CBLB: variants seen among roughly 807,000 people sequenced by gnomAD.
CBLB encodes the protein E3 ubiquitin-protein ligase CBL-B.
CBLB carries 31 observed loss-of-function variants against 104.9 expected under a neutral mutation model. The observed-to-expected ratio is 0.30, with a 90% confidence interval of 0.22 to 0.40. The LOEUF is 0.40. Ranked by LOEUF, CBLB falls within the 10% of genes least tolerant of loss-of-function variation. CBLB has a pLI of 1.00. For missense variants in CBLB, 1,062 were observed against 1,214.6 expected, an observed-to-expected ratio of 0.87 and a Z score of 1.87; for synonymous variants, 440 against 422.6, an observed-to-expected ratio of 1.04 and a Z score of -0.51.
chr3:105,720,244 C>A lies in CBLB; in HGVS notation c.1210G>T (p.Asp404Tyr), dbSNP rs754549862. ...TSCLTAWQES[D>Y]GQGCPFCRCE... ...CGACAGAAAGGGCAGCCCTGACCAT[C>A]CGACTCCTAAACAAATAGAAAATGC... Residue 404 changes from aspartate to tyrosine, a missense_variant, in exon 10 of 19, where the codon GAT becomes TAT. By Grantham distance (160) the Asp-to-Tyr change is radical. Around this residue, in one of 2 missense-constraint regions of CBLB, gnomAD observed 457 missense variants for 632.0 expected, o/e 0.72. Coordinates refer to ENST00000394030, the MANE Select transcript of CBLB (RefSeq NM_170662.5). The A allele has an allele frequency of 1.9e-6, 3 of 1,612,066 alleles. No homozygotes were observed. Among genetic ancestry groups the A allele is most frequent in the Non-Finnish European group, 2.5e-6 (3 of 1,179,128 alleles).
At chr3:105,820,417 T>C (rs1215968115) in intron 3 of CBLB, among the ~76,000 whole-genome samples, 1 of 152,092 alleles carries the variant, frequency 6.6e-6, no homozygotes, top group African/African-American at 2.4e-5. Flanking sequence ...CAGAAAGAAT[T>C]TAAAATAGTA....
chr3:105,678,557 C>T lies in CBLB; in HGVS notation c.2443G>A (p.Asp815Asn), dbSNP rs2065923732. Residue 815 changes from aspartate (D) to asparagine (N), a missense_variant, in exon 17 of 19, where the codon GAT becomes AAT. Transcript: ENST00000394030. ...LIPPLGEDAFDALPPSLPPPP... is the reference protein window; with the variant it reads ...LIPPLGEDAFNALPPSLPPPP... The stretch of plus-strand genomic sequence containing the variant: ...GGTGGGAGAGATGGAGGGAGGGCAT[C>T]AAAAGCATCTTCACCTGCATTTAAA... The T allele has an allele frequency of 6.2e-7, 1 of 1,612,762 alleles. No homozygotes were observed. Among genetic ancestry groups the T allele is most frequent in the Non-Finnish European group, 8.5e-7 (1 of 1,179,242 alleles).
chr3:105,715,293 G>A (rs2071692388), intron 10 of CBLB, among the ~76,000 whole-genome samples: 1 of 152,120 alleles, frequency 6.6e-6, no homozygotes, highest in South Asian at 2.1e-4. Flanking sequence ...ATACAGACTT[G>A]GGCAAAATCT....
intron 4 of CBLB, among the ~76,000 whole-genome samples, chr3:105,768,298 T>C (rs964897368): frequency 6.6e-6 from 1 of 152,136 alleles, no homozygotes; most frequent in Non-Finnish European, 1.5e-5. Context: ...GTAAGAATTG[T>C]TATGCCAGAG....
At chr3:105,746,140 T>C in intron 5 of CBLB, 102 bp from the exon 6 acceptor site, 1 of 828,602 alleles carries the variant, frequency 1.2e-6, no homozygotes. Flanking sequence ...ATCTTGGATA[T>C]TTTAAAAGTT....
At chr3:105,855,582 T>C (rs1229260336) in intron 2 of CBLB, among the ~76,000 whole-genome samples, 2 of 152,214 alleles carry the variant, frequency 1.3e-5, no homozygotes, top group Admixed American at 6.5e-5. Flanking sequence ...TAGAAATACC[T>C]GAGGTGCCCA....
intron 3 of CBLB, among the ~76,000 whole-genome samples, chr3:105,821,345 A>G (rs1577505953): frequency 6.6e-6 from 1 of 152,098 alleles, no homozygotes; most frequent in Non-Finnish European, 1.5e-5. Flanking sequence ...AAATCTTTCA[A>G]TGCCGAACAG....
intron 9 of CBLB, among the ~76,000 whole-genome samples, chr3:105,730,913 A>C (rs1409766228): frequency 6.6e-6 from 1 of 152,188 alleles, no homozygotes; most frequent in East Asian, 1.9e-4. Flanking sequence ...AGCTAAACAC[A>C]ATTTTCAGAG....
intron 3 of CBLB, among the ~76,000 whole-genome samples, chr3:105,803,548 G>A (rs899327723): frequency 6.6e-6 from 1 of 152,128 alleles, no homozygotes; most frequent in Admixed American, 6.5e-5. Context: ...TTCTCAAGTC[G>A]AAAGTCAGGT....
At chr3:105,792,723 GCACAT>G (rs2081825121) in intron 3 of CBLB, among the ~76,000 whole-genome samples, 1 of 152,104 alleles carries the variant, frequency 6.6e-6, no homozygotes, top group Admixed American at 6.5e-5. Context: ...AGAGGACCAG[GCACAT>G]CACAAGTTCA....
At chr3:105,825,244 A>G (rs972789586) in intron 3 of CBLB, among the ~76,000 whole-genome samples, 11 of 152,152 alleles carry the variant, frequency 7.2e-5, no homozygotes, top group Non-Finnish European at 1.0e-4. Context: ...AGCTAATGCC[A>G]TATCAGATAT....
chr3:105,751,769 C>A, intron 4 of CBLB, 151 bp from the exon 5 acceptor site: 1 of 713,008 alleles, frequency 1.4e-6, no homozygotes, highest in East Asian at 2.7e-5. Context: ...TATTTCAGAA[C>A]AAATGTAGTG....
intron 10 of CBLB, among the ~76,000 whole-genome samples, chr3:105,709,628 T>A (rs1365736821): frequency 6.6e-6 from 1 of 151,908 alleles, no homozygotes; most frequent in Non-Finnish European, 1.5e-5. Context: ...CATATATGGA[T>A]TTACAAAACC....
intron 2 of CBLB, among the ~76,000 whole-genome samples, chr3:105,866,006 C>G (rs1288215557): frequency 6.6e-6 from 1 of 152,064 alleles, no homozygotes; most frequent in African/African-American, 2.4e-5. Flanking sequence ...CTAAAGTATC[C>G]AATGCTAAAA....
At position 105,725,881 on chromosome 3, in the gene CBLB, A is replaced by G. The variant is rs149848620; in HGVS notation, c.1204-5631T>C. ...TTTTTACTCTTTGAGACAGAATCTCACTCTGTTACCTAGGCTGGGGTGCAG... is the reference window on the plus strand; with the variant it reads ...TTTTTACTCTTTGAGACAGAATCTCGCTCTGTTACCTAGGCTGGGGTGCAG... On this transcript the variant is annotated intron_variant, in intron 9 of 18. Coordinates refer to ENST00000394030, the MANE Select transcript of CBLB (RefSeq NM_170662.5). 3.6e-3 allele frequency among the ~76,000 whole-genome samples: 542 copies of G among 151,702 alleles called. 4 individuals carry two copies. Among genetic ancestry groups the G allele is most frequent in the Non-Finnish European group, 4.3e-3 (295 of 67,918 alleles).
intron 2 of CBLB, among the ~76,000 whole-genome samples, chr3:105,863,623 T>C (rs377492367): frequency 7.9e-5 from 12 of 152,190 alleles, no homozygotes; most frequent in Admixed American, 5.9e-4. Context: ...GCATCCTTGA[T>C]TGACAAACTT....
intron 3 of CBLB, among the ~76,000 whole-genome samples, chr3:105,778,569 A>C (rs1011691723): frequency 3.3e-5 from 5 of 152,120 alleles, no homozygotes; most frequent in African/African-American, 4.8e-5. Context: ...TTAAAAAAAA[A>C]CAGTCACCTA....
intron 2 of CBLB, among the ~76,000 whole-genome samples, chr3:105,863,841 T>G (rs1004613246): frequency 6.6e-6 from 1 of 152,278 alleles, no homozygotes; most frequent in Non-Finnish European, 1.5e-5. Context: ...GTACTCAGAG[T>G]GCTTTGCTCT....
intron 17 of CBLB, among the ~76,000 whole-genome samples, chr3:105,676,504 C>T (rs576956743): frequency 2.2e-4 from 33 of 152,056 alleles, no homozygotes; most frequent in African/African-American, 3.9e-4. Context: ...GCTTAAGTTA[C>T]GCATATAAAA....
Sources: allele counts gnomAD v4.1 joint callset (sites outside exome capture counted in the v4.1 genomes callset), GRCh38; gene constraint gnomAD v4.1.1; regional missense constraint gnomAD v4.1.1; transcripts MANE v1.5; gene names NCBI Gene and HGNC (gene_info 2026-07-23, HGNC 2026-07-21).